SPDYC: variants seen among roughly 807,000 people sequenced by gnomAD.
The protein encoded by SPDYC is speedy/RINGO cell cycle regulator family member C.
In SPDYC, 25 loss-of-function variants were observed where a neutral mutation model predicts 33.9. The observed-to-expected ratio is 0.74, with a 90% CI of 0.54 to 1.03. The LOEUF is 1.03. Among genes scored for constraint, SPDYC ranks in the 50% least tolerant of loss-of-function variants. The pLI is 0.00. For synonymous variants in SPDYC, 133 were observed against 140.2 expected (o/e 0.95, Z 0.36); for missense variants, 349 against 382.9 (o/e 0.91, Z 0.74).
At chr11:65,171,240 T>G in intron 1 of SPDYC, 87 bp from the exon 2 acceptor site, 1 of 1,358,284 alleles carries the variant, frequency 7.4e-7, no homozygotes, top group Non-Finnish European at 1.0e-6. Flanking sequence ...CACCCACCCC[T>G]CCACCGTCCT....
At chr11:65,172,371 G>C in intron 4 of SPDYC, 40 bp downstream of exon 4, 2 of 1,614,146 alleles carry the variant, frequency 1.2e-6, no homozygotes, top group Non-Finnish European at 1.7e-6. Context: ...TTTGCTGGAG[G>C]TGTCAGATGG....
At chr11:65,171,102 T>C (rs181892543) in intron 1 of SPDYC, among the ~76,000 whole-genome samples, 1 of 152,126 alleles carries the variant, frequency 6.6e-6, no homozygotes, top group African/African-American at 2.4e-5. Context: ...TACTCTGGCC[T>C]GTCCTGGGGT....
downstream of SPDYC, chr11:65,173,367 C>A: frequency 2.1e-6 from 2 of 957,256 alleles, no homozygotes; most frequent in Non-Finnish European, 1.5e-6. Flanking sequence ...CACAGGACAC[C>A]AACTGTGCTT....
chr11:65,171,605 C>T, intron 2 of SPDYC, 106 bp downstream of exon 2: 1 of 1,290,150 alleles, frequency 7.8e-7, no homozygotes, highest in Admixed American at 3.0e-5. Context: ...ACCTCTGACC[C>T]TCTCCCTCTC....
intron 6 of SPDYC, 50 bp from the exon 7 acceptor site, chr11:65,173,133 T>A: frequency 6.2e-7 from 1 of 1,610,396 alleles, no homozygotes; most frequent in Non-Finnish European, 8.5e-7. Flanking sequence ...GCCCCTCCCG[T>A]GTGAGCTTGG....
At chr11:65,172,491 A>G (rs779583712) in exon 5 of SPDYC, 14 of 1,581,562 alleles carry the variant, frequency 8.9e-6, no homozygotes, top group Admixed American at 3.6e-5. Context: ...AGATTTTTCC[A>G]TGGGCCCTGG....
Position 65,171,935 on chromosome 11 carries a change from A to T in SPDYC, c.200-8A>T, listed in dbSNP as rs1255065931. On this transcript the variant is annotated splice_polypyrimidine_tract_variant and splice_region_variant and intron_variant, in intron 2 of 6. Coordinates refer to ENST00000377185, the Ensembl canonical transcript of SPDYC. ...ACCTGCGTCCTGTCATGTCTTCTCTACCCTCAGAGGACAGTTTTGTCCAGG... is the reference window on the plus strand; with the variant it reads ...ACCTGCGTCCTGTCATGTCTTCTCTTCCCTCAGAGGACAGTTTTGTCCAGG... 1 of 1,613,830 alleles carries T rather than the reference A, an allele frequency of 6.2e-7. No individual in the cohort carries two copies. Among genetic ancestry groups the T allele is most frequent in the Non-Finnish European group, 8.5e-7 (1 of 1,179,878 alleles).
At chr11:65,173,369 A>C, downstream of SPDYC, 1 of 928,626 alleles carries the variant, frequency 1.1e-6, no homozygotes, top group Non-Finnish European at 1.6e-6. Context: ...CAGGACACCA[A>C]CTGTGCTTAG....
At chr11:65,173,323 C>A, downstream of SPDYC, 1 of 1,329,964 alleles carries the variant, frequency 7.5e-7, no homozygotes, top group Non-Finnish European at 1.0e-6. Context: ...CTTGTGCCCA[C>A]TCTGGTGCCA....
chr11:65,170,363 G>C (rs1317721906), intron 1 of SPDYC, 102 bp downstream of exon 1: 1 of 1,227,610 alleles, frequency 8.1e-7, no homozygotes, highest in East Asian at 2.9e-5. Flanking sequence ...CCTCGGCCCC[G>C]TGGTTGGCTT....
At position 65,172,729 on chromosome 11, in the gene SPDYC, C is replaced by T. The variant is rs201126841; in HGVS notation, c.562C>T (p.Arg188Cys). 51 of 1,610,764 alleles carry T rather than the reference C, an allele frequency of 3.2e-5. No individual in the cohort carries two copies. In the East Asian group the frequency reaches 3.8e-4, roughly 12 times the overall value. The change falls in exon 6 of 7, where the codon CGC (arginine) becomes TGC (cysteine). Residue 188 changes from arginine to cysteine, a missense_variant. Transcript: ENST00000377185. The stretch of plus-strand genomic sequence containing the variant: ...CCACTGGGCTTGGACTCGGGACCGG[C>T]GCCCCCACCATGGTGGGGTTCAGAG...
At position 65,172,230 on chromosome 11, in the gene SPDYC, C is replaced by T. The variant is rs370334405; in HGVS notation, c.259-16C>T. On this transcript the variant is annotated splice_polypyrimidine_tract_variant and intron_variant, in intron 3 of 6. Coordinates refer to ENST00000377185, the Ensembl canonical transcript of SPDYC. ...TCAGAGAATAACTAACCCCCCACCC[C>T]GATCTGTCTCTGCAGTATCTCCTGG... 1.8e-4 allele frequency: 290 copies of T among 1,613,980 alleles called. No individual in the cohort carries two copies. Among genetic ancestry groups the T allele is most frequent in the Non-Finnish European group, 1.3e-4 (159 of 1,179,952 alleles).
At chr11:65,172,501 G>C in exon 5 of SPDYC, 1 of 1,581,938 alleles carries the variant, frequency 6.3e-7, no homozygotes, top group Non-Finnish European at 8.6e-7. Flanking sequence ...ATGGGCCCTG[G>C]GAAAAGATTG....
intron 4 of SPDYC, 37 bp from the exon 5 acceptor site, chr11:65,172,397 T>C: frequency 6.2e-7 from 1 of 1,613,004 alleles, no homozygotes; most frequent in Non-Finnish European, 8.5e-7. Flanking sequence ...GGCAGATGTG[T>C]GGCCTCTGCT....
At chr11:65,170,336 G>A (rs1350935312) in intron 1 of SPDYC, 75 bp downstream of exon 1, 44 of 1,436,042 alleles carry the variant, frequency 3.1e-5, no homozygotes, top group Non-Finnish European at 3.8e-5. Flanking sequence ...GCCCTGGGGT[G>A]GTCGACCGCA....
At chr11:65,173,010 C>G in exon 6 of SPDYC, 2 of 1,613,320 alleles carry the variant, frequency 1.2e-6, no homozygotes, top group Non-Finnish European at 1.7e-6. Flanking sequence ...CCTACTCCCT[C>G]CGCAGTGAGT....
exon 6 of SPDYC, chr11:65,172,806 G>A (rs200895492): frequency 5.8e-5 from 94 of 1,614,050 alleles, no homozygotes; most frequent in Admixed American, 1.7e-5. Flanking sequence ...GCCTCTCGCC[G>A]CCCCACTGTT....
chr11:65,173,148 T>G (rs1421494093), intron 6 of SPDYC, 35 bp from the exon 7 acceptor site: 3 of 1,612,508 alleles, frequency 1.9e-6, no homozygotes, highest in Non-Finnish European at 2.5e-6. Context: ...GCTTGGCAGG[T>G]TTCTTCTCTG....
chr11:65,171,847 G>A, intron 2 of SPDYC, 96 bp from the exon 3 acceptor site: 1 of 1,015,946 alleles, frequency 9.8e-7, no homozygotes, highest in South Asian at 1.3e-5. Flanking sequence ...AGAGAGAGAG[G>A]GTTCAGTGGT....
Sources: allele counts gnomAD v4.1 joint callset (sites outside exome capture counted in the v4.1 genomes callset), GRCh38; gene constraint gnomAD v4.1.1; transcripts MANE v1.5; gene names NCBI Gene and HGNC (gene_info 2026-07-23, HGNC 2026-07-21).